Variants in MYO9A observed in about 807,000 individuals in gnomAD.
The protein encoded by MYO9A is unconventional myosin-IXa.
In MYO9A, 103 loss-of-function variants were observed where a neutral mutation model predicts 293.3. That is an observed-to-expected ratio of 0.35 (90% CI 0.30 to 0.41). The LOEUF (loss-of-function observed/expected upper bound fraction) is 0.41. MYO9A is among the 10% of genes least tolerant of loss of function. MYO9A has a pLI of 1.00. For synonymous variants in MYO9A, 1,001 were observed against 1,035.7 expected (o/e 0.97, Z 0.64); for missense variants, 2,685 against 3,033.0 (o/e 0.89, Z 2.69).
intron 23 of MYO9A, 145 bp downstream of exon 23, chr15:71,901,046 G>A (rs938477772): frequency 4.7e-5 from 34 of 717,494 alleles, no homozygotes; most frequent in Non-Finnish European, 7.0e-5. Flanking sequence ...TGGGTGTTAT[G>A]AGCACTTCAA....
At chr15:72,080,481 C>T (rs1485913199) in intron 1 of MYO9A, among the ~76,000 whole-genome samples, 4 of 151,732 alleles carry the variant, frequency 2.6e-5, no homozygotes, top group Admixed American at 6.6e-5. Flanking sequence ...AGACAGTCTC[C>T]ACAGCTCAAG....
At chr15:71,959,769 T>C (rs559229232) in intron 14 of MYO9A, 132 bp downstream of exon 14, 4 of 756,276 alleles carry the variant, frequency 5.3e-6, no homozygotes, top group Non-Finnish European at 6.3e-6. Context: ...TGACACTAGA[T>C]TGACTACAGA....
At position 71,904,029 on chromosome 15, in the gene MYO9A, C is replaced by T. The variant is rs773285976; in HGVS notation, c.2777G>A (p.Arg926Lys). 6.2e-7 allele frequency: 1 copy of T among 1,613,460 alleles called. No homozygotes were observed. The highest frequency in any genetic ancestry group is 8.5e-7 in the Non-Finnish European group (1 of 1,179,730). ...TCTAAGTACCAAGACATCACTGAAC[C>T]TTAAGGGCAGCTAAAGCAAATGGAA... The part of the protein sequence containing the change: ...IRSNAEKLPL[R>K]FSDVLVLRQL... The change falls in exon 21 of 42, where the codon AGG becomes AAG. Residue 926 changes from arginine to lysine, a missense_variant. By Grantham distance (26) the Arg-to-Lys change is conservative. Coordinates refer to ENST00000356056, the MANE Select transcript of MYO9A (RefSeq NM_006901.4).
chr15:72,081,129 G>A (rs1447777807), intron 1 of MYO9A, among the ~76,000 whole-genome samples: 1 of 152,146 alleles, frequency 6.6e-6, no homozygotes, highest in Non-Finnish European at 1.5e-5. Flanking sequence ...TTAGGTCACT[G>A]AGGAATCACC....
At chr15:72,100,937 GC>G (rs1161534406) in intron 1 of MYO9A, among the ~76,000 whole-genome samples, 1 of 127,582 alleles carries the variant, frequency 7.8e-6, no homozygotes, top group South Asian at 2.7e-4. Context: ...TCAGCCCCCC[GC>G]CCGGCCAGCC....
At chr15:71,885,737 G>A (rs2142802010) in intron 27 of MYO9A, among the ~76,000 whole-genome samples, 1 of 152,134 alleles carries the variant, frequency 6.6e-6, no homozygotes, top group African/African-American at 2.4e-5. Context: ...CTTCGGTTCT[G>A]TAAAATTTGG....
At chr15:71,942,181 T>C (rs565169682) in intron 15 of MYO9A, among the ~76,000 whole-genome samples, 11 of 152,216 alleles carry the variant, frequency 7.2e-5, no homozygotes, top group African/African-American at 2.2e-4. Flanking sequence ...TGCATAACTA[T>C]GTTGCATAAC....
intron 12 of MYO9A, among the ~76,000 whole-genome samples, chr15:71,976,026 T>C (rs1192174571): frequency 6.6e-6 from 1 of 152,160 alleles, no homozygotes; most frequent in African/African-American, 2.4e-5. Context: ...GCAAATTAAT[T>C]GAACTCAAGG....
intron 15 of MYO9A, chr15:71,939,152 A>C (rs1026132954): frequency 2.1e-6 from 1 of 472,886 alleles, no homozygotes; most frequent in Admixed American, 3.9e-5. Flanking sequence ...CTTTCATTGA[A>C]TCATTAACTT....
intron 22 of MYO9A, among the ~76,000 whole-genome samples, chr15:71,901,662 A>G (rs910367676): frequency 2.6e-5 from 4 of 152,018 alleles, no homozygotes; most frequent in Middle Eastern, 3.2e-3. Context: ...GTCTCCAAAA[A>G]AAAAAAAGAC....
At chr15:71,920,003 G>C (rs2058114537) in intron 18 of MYO9A, among the ~76,000 whole-genome samples, 2 of 152,020 alleles carry the variant, frequency 1.3e-5, no homozygotes, top group African/African-American at 2.4e-5. Flanking sequence ...TAAGTGCTAA[G>C]GATACATTGC....
intron 3 of MYO9A, among the ~76,000 whole-genome samples, chr15:72,031,860 G>A (rs942767566): frequency 6.6e-6 from 1 of 151,986 alleles, no homozygotes; most frequent in African/African-American, 2.4e-5. Flanking sequence ...GGTTATATAG[G>A]AAAATGTAGA....
chr15:72,074,180 T>C (rs889842815), intron 1 of MYO9A, among the ~76,000 whole-genome samples: 8 of 152,176 alleles, frequency 5.3e-5, no homozygotes, highest in African/African-American at 1.7e-4. Context: ...ATGCTCTCAG[T>C]GGAAATGAGA....
In MYO9A at chr15:71,826,671, G is replaced by A. The variant is rs751590579; in HGVS notation, c.7556C>T (p.Thr2519Ile). The A allele has an allele frequency of 3.7e-6, 6 of 1,614,046 alleles. No individual in the cohort carries two copies. In the South Asian group the frequency reaches 4.4e-5, roughly 12 times the overall value. Residue 2519 changes from threonine (T) to isoleucine (I), a missense_variant, in exon 42 of 42, where the codon ACA becomes ATA. By Grantham distance (89) the Thr-to-Ile change is moderately conservative. Coordinates refer to ENST00000356056, the MANE Select transcript of MYO9A (RefSeq NM_006901.4). ...AGTTTTTCTGCGGCCAGACATGACT[G>A]TCCCCTCTGGGGTCTCTTTGGTTTT... The part of the protein sequence containing the change: ...PQKTKETPEG[T>I]VMSGRRKTVD...
At position 71,951,747 on chromosome 15, in the gene MYO9A, A is replaced by AT. The variant is rs755810841; in HGVS notation, c.2302+29dup. The AT allele has an allele frequency of 6.2e-6, 10 of 1,613,228 alleles. No homozygotes were observed. The South Asian group carries it at 1.1e-4, about 18-fold the overall frequency. ...GTTTCCATTTCCAAATGGATATGTGATAACAGTTTATCAGGATTTGTAGCC... is the reference window on the plus strand; with the variant it reads ...GTTTCCATTTCCAAATGGATATGTGATTAACAGTTTATCAGGATTTGTAGCC... On this transcript the variant is annotated intron_variant, in intron 15 of 41. Transcript: ENST00000356056.
intron 11 of MYO9A, among the ~76,000 whole-genome samples, chr15:71,989,674 AC>A (rs1211937403): frequency 6.6e-6 from 1 of 152,172 alleles, no homozygotes; most frequent in African/African-American, 2.4e-5. Context: ...AAAGAAAAAA[AC>A]AATCAACACC....
intron 2 of MYO9A, among the ~76,000 whole-genome samples, chr15:72,034,831 A>C (rs919078090): frequency 1.3e-5 from 2 of 152,202 alleles, no homozygotes; most frequent in African/African-American, 4.8e-5. Context: ...GCTACTTTTG[A>C]TTCTGCCCAA....
Position 72,010,364 on chromosome 15 carries a change from G to A in MYO9A, c.1239C>T (p.Pro413=). 1.9e-6 allele frequency: 3 copies of A among 1,613,060 alleles called. No homozygotes were observed. Among genetic ancestry groups the A allele is most frequent in the South Asian group, 2.2e-5 (2 of 90,944 alleles). The change falls in exon 7 of 42, where the codon CCC becomes CCT. Residue 413 remains proline (P), a synonymous_variant. Coordinates refer to ENST00000356056, the MANE Select transcript of MYO9A (RefSeq NM_006901.4). Reference sequence around the variant, plus strand: ...AGTAAACTCACTGTCTTCGTGTCTTGGGAAGAAATCCTACCATTTCCATGG... The same window carrying A: ...AGTAAACTCACTGTCTTCGTGTCTTAGGAAGAAATCCTACCATTTCCATGG... ...QLAMEMVGFL[P]KTRRQIFSLL... is the part of the protein sequence containing the mutation.
At chr15:71,938,323 C>T (rs1477286973) in intron 16 of MYO9A, among the ~76,000 whole-genome samples, 1 of 134,372 alleles carries the variant, frequency 7.4e-6, no homozygotes, top group Admixed American at 8.1e-5. Context: ...AAATTACAAT[C>T]TTTATTAAAT....
Sources: allele counts gnomAD v4.1 joint callset (sites outside exome capture counted in the v4.1 genomes callset), GRCh38; gene constraint gnomAD v4.1.1; transcripts MANE v1.5; gene names NCBI Gene and HGNC (gene_info 2026-07-23, HGNC 2026-07-21).